NPIPB15: variants seen among roughly 807,000 people sequenced by gnomAD.
The protein encoded by NPIPB15 is nuclear pore complex-interacting protein family member B15.
NPIPB15 carries 5 observed loss-of-function variants against 35.9 expected under a neutral mutation model. That is an observed-to-expected ratio of 0.14 (90% confidence interval 0.07 to 0.29). NPIPB15 has a LOEUF of 0.29. Ranked by LOEUF, NPIPB15 falls within the 10% of genes least tolerant of loss-of-function variation. The pLI is 1.00. For missense variants in NPIPB15, 100 were observed against 506.1 expected (o/e 0.20, Z 7.70); for synonymous variants, 43 against 182.0 (o/e 0.24, Z 6.15).
In NPIPB15 at chr16:74,376,622, A is replaced by G. The variant is rs1398598085; in HGVS notation, c.-747A>G. On this transcript the variant is annotated 5_prime_UTR_variant, in exon 1 of 8. Transcript: ENST00000692376. ...TTTCTCCCCCTCATTTGGGTTCAGA[A>G]TTTAAAGTCCACACACACAGGCAGT... is the stretch of plus-strand genomic sequence containing the variant. Among the ~76,000 whole-genome samples, 1 of 152,080 alleles carries G rather than the reference A, an allele frequency of 6.6e-6. No individual in the cohort carries two copies. The highest frequency in any genetic ancestry group is 1.5e-5 in the Non-Finnish European group (1 of 68,044).
chr16:74,380,936 A>C (rs1232049928), intron 2 of NPIPB15, among the ~76,000 whole-genome samples: 2 of 152,242 alleles, frequency 1.3e-5, no homozygotes, highest in Non-Finnish European at 2.9e-5. Flanking sequence ...GCCTGCCAGG[A>C]GTTCAAGGCC....
intron 3 of NPIPB15, among the ~76,000 whole-genome samples, chr16:74,384,724 A>C (rs962212109): frequency 4.4e-5 from 4 of 90,796 alleles, no homozygotes; most frequent in Non-Finnish European, 6.1e-5. Flanking sequence ...TTTGTTGCCC[A>C]GGTTTGGAGT....
intron 2 of NPIPB15, among the ~76,000 whole-genome samples, chr16:74,380,728 G>A (rs2011941798): frequency 6.6e-6 from 1 of 150,870 alleles, no homozygotes. Context: ...GGAGGCTGAG[G>A]CAGGAGAATC....
rs558884671 is a variant in NPIPB15 at position 74,380,999 on chromosome 16, C to T, written c.67-517C>T. Among the ~76,000 whole-genome samples the T allele has an allele frequency of 4.1e-4, 62 of 150,732 alleles. No individual in the cohort carries two copies. The East Asian group carries it at 0.011, about 27-fold the overall frequency. On this transcript the variant is annotated intron_variant, in intron 2 of 7. Coordinates refer to ENST00000692376, the MANE Select transcript of NPIPB15 (RefSeq NM_001306094.2). ...CTCTACTAAAAATACAAAAATGAGT[C>T]GGGCATGGTGGCAGAGACCTGTAAT...
intron 3 of NPIPB15, among the ~76,000 whole-genome samples, chr16:74,384,807 G>A (rs1401244132): frequency 9.3e-5 from 14 of 150,336 alleles, no homozygotes; most frequent in Non-Finnish European, 1.6e-4. Flanking sequence ...TCAGCCTCCC[G>A]ACTAGCTGGG....
intron 2 of NPIPB15, among the ~76,000 whole-genome samples, chr16:74,378,603 G>C (rs1015338112): frequency 6.7e-6 from 1 of 148,990 alleles, no homozygotes; most frequent in Non-Finnish European, 1.5e-5. Flanking sequence ...TAGTAGAGAC[G>C]GGGTTTTACC....
At chr16:74,385,100 C>T (rs1308352029) in intron 3 of NPIPB15, among the ~76,000 whole-genome samples, 3 of 145,574 alleles carry the variant, frequency 2.1e-5, no homozygotes, top group Non-Finnish European at 3.0e-5. Context: ...CTGCAACCTC[C>T]GCCTCCCAGC....
chr16:74,377,626 ATCT>A (rs1217132134), intron 1 of NPIPB15, among the ~76,000 whole-genome samples: 1 of 151,914 alleles, frequency 6.6e-6, no homozygotes, highest in South Asian at 2.1e-4. Flanking sequence ...TGCTTCCCTG[ATCT>A]TCTCCGTGAC....
chr16:74,387,738 G>A (rs1053953003), intron 5 of NPIPB15, among the ~76,000 whole-genome samples: 2 of 151,994 alleles, frequency 1.3e-5, no homozygotes, highest in African/African-American at 4.8e-5. Context: ...ACTCCAGACA[G>A]CATGTGCTGA....
intron 3 of NPIPB15, among the ~76,000 whole-genome samples, chr16:74,382,287 AG>A (rs2012032231): frequency 7.2e-6 from 1 of 139,006 alleles, no homozygotes; most frequent in African/African-American, 2.7e-5. Flanking sequence ...AAAGAGGCCA[AG>A]GAACAAACAA....
At chr16:74,378,755 A>T (rs571564870) in intron 2 of NPIPB15, among the ~76,000 whole-genome samples, 89 of 151,418 alleles carry the variant, frequency 5.9e-4, no homozygotes, top group African/African-American at 2.1e-3. Flanking sequence ...TGGAAAGTAC[A>T]TACACCAGCA....
intron 7 of NPIPB15, chr16:74,390,810 C>T (rs2012496099): frequency 1.0e-5 from 1 of 99,234 alleles, no homozygotes; most frequent in Non-Finnish European, 2.0e-5. Flanking sequence ...TGACCCTGGG[C>T]ACAATTTCTC....
intron 7 of NPIPB15, chr16:74,390,314 CTT>C (rs1489400785): frequency 1.3e-5 from 2 of 150,684 alleles, no homozygotes; most frequent in African/African-American, 6.7e-5. Flanking sequence ...GTGAATGTAA[CTT>C]ATTACCCACA....
chr16:74,377,527 G>C (rs1482546143), intron 1 of NPIPB15, among the ~76,000 whole-genome samples, 181 bp downstream of exon 1: 3 of 152,164 alleles, frequency 2.0e-5, no homozygotes, highest in Admixed American at 6.6e-5. Flanking sequence ...GGAGGGCCCA[G>C]ACCGAAGAAG....
rs751714871 is a variant in NPIPB15, at chr16:74,381,526, G to C, written c.77G>C (p.Ser26Thr). 18 of 1,591,756 alleles carry C rather than the reference G, an allele frequency of 1.1e-5. No homozygotes were observed. The highest frequency in any genetic ancestry group is 1.4e-5 in the Non-Finnish European group (16 of 1,176,248). The change falls in exon 3 of 8, where the codon AGT becomes ACT. Residue 26 changes from serine (S) to threonine (T), a missense_variant. Physicochemically the swap from Ser to Thr is moderately conservative, Grantham distance 58. Coordinates refer to ENST00000692376, the MANE Select transcript of NPIPB15 (RefSeq NM_001306094.2). The stretch of plus-strand genomic sequence containing the variant: ...CTATTATTATTCCAGGTCATCAATA[G>C]TCTGGCTGTCTATCGTCATCGTGAG... ...ISHQPTPVINSLAVYRHRETD... is the reference protein window; with the variant it reads ...ISHQPTPVINTLAVYRHRETD...
intron 3 of NPIPB15, among the ~76,000 whole-genome samples, chr16:74,383,044 T>C (rs2012078725): frequency 7.1e-6 from 1 of 140,980 alleles, no homozygotes; most frequent in Non-Finnish European, 1.5e-5. Flanking sequence ...TGCCTCAGCC[T>C]CTCAAGTAGC....
At chr16:74,386,456 A>C (rs1597157994) in intron 5 of NPIPB15, among the ~76,000 whole-genome samples, 2 of 101,262 alleles carry the variant, frequency 2.0e-5, no homozygotes, top group African/African-American at 8.6e-5. Flanking sequence ...ACATTCGGCC[A>C]ATTTTTTTTT....
At chr16:74,386,452 G>A (rs1261377146) in intron 5 of NPIPB15, among the ~76,000 whole-genome samples, 11 of 119,248 alleles carry the variant, frequency 9.2e-5, no homozygotes, top group South Asian at 5.6e-4. Flanking sequence ...CACCACATTC[G>A]GCCAATTTTT....
chr16:74,384,744 C>T (rs1370130509), intron 3 of NPIPB15, among the ~76,000 whole-genome samples: 1 of 130,266 alleles, frequency 7.7e-6, no homozygotes, highest in Non-Finnish European at 1.6e-5. Context: ...TGCAATGGCA[C>T]AATCTCAGCT....
Sources: gnomAD v4.1 joint callset for allele counts (sites outside exome capture counted in the v4.1 genomes callset) on GRCh38, gnomAD v4.1.1 for gene constraint, MANE v1.5 for transcripts, NCBI Gene and HGNC (gene_info 2026-07-23, HGNC 2026-07-21) for gene names.